Variants in PTPRU observed in about 807,000 individuals in gnomAD.
The protein encoded by PTPRU is receptor-type tyrosine-protein phosphatase U.
PTPRU carries 69 observed loss-of-function variants against 166.3 expected under a neutral mutation model. The ratio of observed to expected loss-of-function variants is 0.41; its 90% CI spans 0.34 to 0.51. The LOEUF is 0.51. PTPRU is among the 20% of genes least tolerant of loss of function. The probability of loss-of-function intolerance (pLI) is 0.09; values close to 1 mark genes in which losing one functional copy is unlikely to be tolerated. For missense variants in PTPRU, 1,657 were observed against 2,013.7 expected (o/e 0.82, Z 3.39); for synonymous variants, 793 against 814.0 (o/e 0.97, Z 0.44).
chr1:29,319,618 G>A (rs1217469003), intron 25 of PTPRU, among the ~76,000 whole-genome samples: 2 of 152,256 alleles, frequency 1.3e-5, no homozygotes, highest in African/African-American at 4.8e-5. Flanking sequence ...TTAATCAGGA[G>A]CCTTCAGAGA....
chr1:29,298,284 A>T (rs1486058900), intron 15 of PTPRU, among the ~76,000 whole-genome samples: 2 of 152,022 alleles, frequency 1.3e-5, no homozygotes, highest in African/African-American at 4.8e-5. Flanking sequence ...GACAAAAAAA[A>T]AAAAACCAAA....
chr1:29,279,766 C>T lies in PTPRU; in HGVS notation c.1765+109C>T. 7.6e-7 allele frequency: 1 copy of T among 1,315,936 alleles called. No individual in the cohort carries two copies. Among genetic ancestry groups the T allele is most frequent in the Non-Finnish European group, 1.1e-6 (1 of 941,046 alleles). The allele number at this position is 1,315,936 out of a possible 1,614,324, so 81.5% of individuals were successfully genotyped here. A position where few individuals can be genotyped will look rare whatever the true frequency, so the allele number is the denominator to read the frequency against. On this transcript the variant is annotated intron_variant, in intron 10 of 29. Transcript: ENST00000373779. This position sits in a 1 kb window ranked among gnomAD's most constrained non-coding sequence, Gnocchi z 5.2. ...ATCCTGGGGGTAGTTACAGAGGGCCCCTGCTGAGATAAATATGCCATTTAG... is the reference window on the plus strand; with the variant it reads ...ATCCTGGGGGTAGTTACAGAGGGCCTCTGCTGAGATAAATATGCCATTTAG...
chr1:29,291,088 T>C lies in PTPRU; in HGVS notation c.2319-781T>C, dbSNP rs1156287297. On this transcript the variant is annotated intron_variant, in intron 14 of 29. Transcript: ENST00000373779. The surrounding 1 kb of genome is among the most constrained non-coding windows in gnomAD (Gnocchi z 4.1). ...TCCCTCCCACTTTCCTCCAAGTTCC[T>C]TCGAAGTCACAAACTGCCATCCTCA... is the stretch of plus-strand genomic sequence containing the variant. Among the ~76,000 whole-genome samples, 1 of 152,186 alleles carries C rather than the reference T, an allele frequency of 6.6e-6. No individual in the cohort carries two copies. Among genetic ancestry groups the C allele is most frequent in the Non-Finnish European group, 1.5e-5 (1 of 68,022 alleles).
At chr1:29,314,943 C>T (rs1344612457) in intron 22 of PTPRU, among the ~76,000 whole-genome samples, 3 of 152,154 alleles carry the variant, frequency 2.0e-5, no homozygotes, top group Admixed American at 2.0e-4. Flanking sequence ...TGACATCATC[C>T]TGGAAGGGTC....
chr1:29,246,266 G>T (rs552280842), intron 1 of PTPRU, among the ~76,000 whole-genome samples: 1 of 152,338 alleles, frequency 6.6e-6, no homozygotes, highest in African/African-American at 2.4e-5. Context: ...GGCCTTTCAC[G>T]CTCCTACCAC....
chr1:29,244,279 G>A (rs972999523), intron 1 of PTPRU, among the ~76,000 whole-genome samples: 4 of 152,110 alleles, frequency 2.6e-5, no homozygotes, highest in African/African-American at 9.7e-5. Flanking sequence ...GCTGAGGCCT[G>A]GGGGACCACT....
intron 15 of PTPRU, among the ~76,000 whole-genome samples, chr1:29,295,305 A>G (rs917635795): frequency 6.6e-6 from 1 of 151,852 alleles, no homozygotes; most frequent in Non-Finnish European, 1.5e-5. Flanking sequence ...TCAGCCTCCC[A>G]AAGTGTTGGG....
intron 14 of PTPRU, among the ~76,000 whole-genome samples, chr1:29,288,062 G>A (rs1460998632): frequency 1.3e-5 from 2 of 152,110 alleles, no homozygotes; most frequent in African/African-American, 4.8e-5. Context: ...TGATCCACCC[G>A]CCTCGGCCTC....
intron 1 of PTPRU, among the ~76,000 whole-genome samples, chr1:29,251,905 C>G (rs998878712): frequency 6.6e-6 from 1 of 152,216 alleles, no homozygotes; most frequent in Admixed American, 6.5e-5. Context: ...CAGCTGGCCT[C>G]CTCCTCCAGG....
At chr1:29,323,118 T>C in intron 26 of PTPRU, 2 of 475,996 alleles carry the variant, frequency 4.2e-6, no homozygotes, top group Non-Finnish European at 7.7e-6. Context: ...TAGGCATCAG[T>C]GCAGTTTGCA....
At chr1:29,312,740 G>T in intron 22 of PTPRU, 34 bp downstream of exon 22, 1 of 1,580,844 alleles carries the variant, frequency 6.3e-7, no homozygotes, top group East Asian at 2.3e-5. Flanking sequence ...GAGAAAAGGG[G>T]CCCTTCTCCC....
intron 1 of PTPRU, among the ~76,000 whole-genome samples, chr1:29,249,169 C>T (rs866851771): frequency 9.2e-5 from 14 of 152,216 alleles, no homozygotes; most frequent in Non-Finnish European, 8.8e-5. Context: ...CACACACACA[C>T]ACGCACACCT....
intron 14 of PTPRU, chr1:29,289,591 G>T (rs1686524693): frequency 2.0e-6 from 3 of 1,522,052 alleles, no homozygotes; most frequent in East Asian, 2.3e-5. Context: ...AGGTACCCAG[G>T]CCCCACCCTG....
chr1:29,314,069 T>C lies in PTPRU; in HGVS notation c.3228-1303T>C, dbSNP rs977847816. Among the ~76,000 whole-genome samples, 8 of 152,346 alleles carry C rather than the reference T, an allele frequency of 5.3e-5. 1 individual carries two copies. In the East Asian group the frequency reaches 1.3e-3, roughly 26 times the overall value. ...CTCTTTGCTGTTTGTCTTCTTTCCCTGAGCCTTAGGTTTGTGAGGCTCGTC... is the reference window on the plus strand; with the variant it reads ...CTCTTTGCTGTTTGTCTTCTTTCCCCGAGCCTTAGGTTTGTGAGGCTCGTC... On this transcript the variant is annotated intron_variant, in intron 22 of 29. Coordinates refer to ENST00000373779, the MANE Select transcript of PTPRU (RefSeq NM_133178.4).
chr1:29,245,067 C>T (rs1464868324), intron 1 of PTPRU, among the ~76,000 whole-genome samples: 2 of 152,106 alleles, frequency 1.3e-5, no homozygotes, highest in Non-Finnish European at 2.9e-5. Flanking sequence ...GTCCCAGGGC[C>T]TTATCCAATA....
intron 15 of PTPRU, among the ~76,000 whole-genome samples, chr1:29,295,775 C>G (rs1024628266): frequency 6.6e-6 from 1 of 152,148 alleles, no homozygotes; most frequent in African/African-American, 2.4e-5. Context: ...CAACCTCTGC[C>G]TCCCTGGTTC....
At chr1:29,325,525 C>G in intron 29 of PTPRU, 74 bp from the exon 30 acceptor site, 2 of 1,532,758 alleles carry the variant, frequency 1.3e-6, no homozygotes, top group South Asian at 1.1e-5. Flanking sequence ...CCCTCTCACT[C>G]CCCGTTCCCC....
chr1:29,265,520 G>A (rs1383383612), intron 7 of PTPRU, among the ~76,000 whole-genome samples: 6 of 151,712 alleles, frequency 4.0e-5, no homozygotes, highest in South Asian at 2.1e-4. Context: ...ACACCACCAC[G>A]CCTGGCTAAT....
chr1:29,260,728 G>C lies in PTPRU; in HGVS notation c.969G>C (p.Glu323Asp). 6.2e-7 allele frequency: 1 copy of C among 1,609,116 alleles called. No homozygotes were observed. The highest frequency in any genetic ancestry group is 1.1e-5 in the South Asian group (1 of 90,560). The change falls in exon 7 of 30, where the codon GAG (glutamate) becomes GAC (aspartate). Residue 323 changes from glutamate (E) to aspartate (D), a missense_variant. Around this residue, in one of 3 missense-constraint regions of PTPRU, gnomAD observed 453 missense variants for 496.9 expected, o/e 0.91. Coordinates refer to ENST00000373779, the MANE Select transcript of PTPRU (RefSeq NM_133178.4). This position sits in a 1 kb window ranked among gnomAD's most constrained non-coding sequence, Gnocchi z 8.3. ...GGCCGATCGTGCGCAAGGAGATTGA[G>C]TACCGCATGGCGCGCGGGCCCTGGG... ...GDGPIVRKEIEYRMARGPWAE... is the reference protein window; with the variant it reads ...GDGPIVRKEIDYRMARGPWAE...
Sources: allele counts gnomAD v4.1 joint callset (sites outside exome capture counted in the v4.1 genomes callset), GRCh38; gene constraint gnomAD v4.1.1; regional missense constraint gnomAD v4.1.1; non-coding constraint Gnocchi (gnomAD v3.1); transcripts MANE v1.5; gene names NCBI Gene and HGNC (gene_info 2026-07-23, HGNC 2026-07-21).